The following KIAA1217 variants were observed in gnomAD, a reference collection of about 807,000 sequenced individuals.
The protein encoded by KIAA1217 is sickle tail protein homolog.
A neutral mutation model predicts 163.9 loss-of-function variants in KIAA1217; 88 were observed. The ratio of observed to expected loss-of-function variants is 0.54; its 90% CI spans 0.45 to 0.64. KIAA1217 has a LOEUF of 0.64. KIAA1217 is among the 30% of genes least tolerant of loss of function. KIAA1217 has a pLI of 0.00. For missense variants in KIAA1217, 2,372 were observed against 2,475.0 expected, an observed-to-expected ratio of 0.96 and a Z score of 0.88; for synonymous variants, 903 against 923.1, an observed-to-expected ratio of 0.98 and a Z score of 0.39.
chr10:24,215,755 C>G (rs4481926), intron 1 of KIAA1217, among the ~76,000 whole-genome samples: 88,850 of 152,096 alleles, frequency 0.58, 26,251 homozygotes, highest in East Asian at 0.7. Context: ...GACAGATGTG[C>G]TGAAGTGCCT....
At chr10:24,182,729 C>T (rs1383443451) in intron 2 of KIAA1217, among the ~76,000 whole-genome samples, 5 of 151,780 alleles carry the variant, frequency 3.3e-5, no homozygotes, top group African/African-American at 1.2e-4. Flanking sequence ...GAGAGAACTC[C>T]CATGAAGAGA....
At chr10:24,519,981 C>A in intron 10 of KIAA1217, 142 bp from the exon 11 acceptor site, 4 of 909,350 alleles carry the variant, frequency 4.4e-6, no homozygotes, top group Non-Finnish European at 6.7e-6. Flanking sequence ...AGCGACCCCC[C>A]TCCACCACCA....
At chr10:23,733,703 G>C (rs1414454) in intron 1 of KIAA1217, among the ~76,000 whole-genome samples, 33,129 of 151,862 alleles carry the variant, frequency 0.22, 3,851 homozygotes, top group Middle Eastern at 0.29. Context: ...CCGCCAGATA[G>C]AGAGGGCCTC....
chr10:24,369,282 G>A (rs1378381972), intron 2 of KIAA1217, among the ~76,000 whole-genome samples: 1 of 151,304 alleles, frequency 6.6e-6, no homozygotes, highest in African/African-American at 2.4e-5. Flanking sequence ...TTGGACTGGC[G>A]GGAGGGGGAA....
chr10:23,892,664 A>T (rs1841464802), intron 1 of KIAA1217, among the ~76,000 whole-genome samples: 1 of 151,908 alleles, frequency 6.6e-6, no homozygotes. Context: ...TAGCTCATTT[A>T]TTATGTTAAA....
At position 23,922,073 on chromosome 10, in the gene KIAA1217, C is replaced by A. The variant is rs539360666; in HGVS notation, c.-320-85152C>A. Among the ~76,000 whole-genome samples, 71 of 151,976 alleles carry A rather than the reference C, an allele frequency of 4.7e-4. No individual in the cohort carries two copies. In the South Asian group the frequency reaches 0.015, roughly 32 times the overall value. ...CCCCCCACCAACAGCCTCCTGGGAG[C>A]AGAGAGTGGCTGGAGATGGCCAATA... is the stretch of plus-strand genomic sequence containing the variant. On this transcript the variant is annotated intron_variant, in intron 1 of 18. Transcript: ENST00000376462.
intron 3 of KIAA1217, among the ~76,000 whole-genome samples, chr10:24,410,068 C>T (rs1380538514): frequency 7.1e-6 from 1 of 141,416 alleles, no homozygotes; most frequent in African/African-American, 2.6e-5. Context: ...GTGATCTTGA[C>T]TCACTGTAAC....
At chr10:23,703,632 G>A (rs757684223) in intron 1 of KIAA1217, among the ~76,000 whole-genome samples, 4 of 152,080 alleles carry the variant, frequency 2.6e-5, no homozygotes, top group Non-Finnish European at 5.9e-5. Context: ...GTTGGCTCTC[G>A]TGAATATGTA....
Position 24,365,916 on chromosome 10 carries a change from A to G in KIAA1217, c.355-14953A>G, listed in dbSNP as rs147735467. Among the ~76,000 whole-genome samples, 4 of 152,290 alleles carry G rather than the reference A, an allele frequency of 2.6e-5. No homozygotes were observed. In the East Asian group the frequency reaches 7.7e-4, roughly 29 times the overall value. ...TATATAATCTATACACAATGGTGAT[A>G]TGGATCATGGATATTGTATAATTCA... On this transcript the variant is annotated intron_variant, in intron 2 of 20. Coordinates refer to ENST00000376454, the MANE Select transcript of KIAA1217 (RefSeq NM_019590.5).
At chr10:23,989,325 G>T (rs1044741863) in intron 1 of KIAA1217, among the ~76,000 whole-genome samples, 1 of 152,214 alleles carries the variant, frequency 6.6e-6, no homozygotes, top group African/African-American at 2.4e-5. Flanking sequence ...TGTGACGCAG[G>T]ATACTTCATA....
chr10:24,501,274 G>A, intron 8 of KIAA1217, 105 bp from the exon 9 acceptor site: 1 of 990,302 alleles, frequency 1.0e-6, no homozygotes. Flanking sequence ...TGTAATGAGA[G>A]AATTAGGCCT....
At chr10:24,267,969 G>C (rs906200944) in intron 2 of KIAA1217, among the ~76,000 whole-genome samples, 1 of 152,270 alleles carries the variant, frequency 6.6e-6, no homozygotes, top group East Asian at 1.9e-4. Flanking sequence ...TGTGCCTTCT[G>C]ATGACCCTGT....
At chr10:24,175,717 T>C (rs534063593) in intron 2 of KIAA1217, among the ~76,000 whole-genome samples, 2 of 152,226 alleles carry the variant, frequency 1.3e-5, no homozygotes, top group African/African-American at 4.8e-5. Flanking sequence ...GTTTCTTCCT[T>C]CTGGTGGGTT....
At chr10:24,430,000 G>A (rs1019008111) in intron 3 of KIAA1217, among the ~76,000 whole-genome samples, 6 of 152,100 alleles carry the variant, frequency 3.9e-5, no homozygotes, top group Non-Finnish European at 2.9e-5. Context: ...CAAAAAATTA[G>A]CTGGGTGTAG....
Position 24,111,487 on chromosome 10 carries a change from T to C in KIAA1217, c.-171+104113T>C, listed in dbSNP as rs180783043. On this transcript the variant is annotated intron_variant, in intron 2 of 18. Transcript: ENST00000376462. ...TTTGGGGGAAAAAAAAATCCTTGCTTATTCAGCTTTAAGGAATTAGATCTC... is the reference window on the plus strand; with the variant it reads ...TTTGGGGGAAAAAAAAATCCTTGCTCATTCAGCTTTAAGGAATTAGATCTC... Among the ~76,000 whole-genome samples the C allele has an allele frequency of 3.9e-5, 6 of 152,372 alleles. No individual in the cohort carries two copies. In the East Asian group the frequency reaches 9.6e-4, roughly 24 times the overall value.
chr10:24,153,597 T>C (rs772055223), intron 2 of KIAA1217, among the ~76,000 whole-genome samples: 3 of 152,348 alleles, frequency 2.0e-5, no homozygotes, highest in South Asian at 2.1e-4. Flanking sequence ...CAGTCAAGGC[T>C]GAGAGTTGAA....
At chr10:24,360,639 G>A (rs143461914) in intron 2 of KIAA1217, among the ~76,000 whole-genome samples, 22 of 152,254 alleles carry the variant, frequency 1.4e-4, no homozygotes, top group African/African-American at 5.3e-4. Context: ...GTTTCCTCTT[G>A]AATTTGGGAT....
At chr10:23,858,409 TCAC>T (rs1287935539) in intron 1 of KIAA1217, among the ~76,000 whole-genome samples, 7 of 151,898 alleles carry the variant, frequency 4.6e-5, no homozygotes, top group African/African-American at 1.7e-4. Context: ...TTCCTTTTAT[TCAC>T]CACAACAGCA....
chr10:24,387,397 C>G (rs2054160879), intron 3 of KIAA1217, among the ~76,000 whole-genome samples: 1 of 152,162 alleles, frequency 6.6e-6, no homozygotes, highest in African/African-American at 2.4e-5. Context: ...ATTGATGGGA[C>G]ATATCTCAAA....
Sources: gnomAD v4.1 joint callset for allele counts (sites outside exome capture counted in the v4.1 genomes callset) on GRCh38, gnomAD v4.1.1 for gene constraint, MANE v1.5 for transcripts, NCBI Gene and HGNC (gene_info 2026-07-23, HGNC 2026-07-21) for gene names.